Variants in PTPRK observed in about 807,000 individuals in gnomAD.
The protein encoded by PTPRK is receptor-type tyrosine-protein phosphatase kappa.
A neutral mutation model predicts 178.0 loss-of-function variants in PTPRK; 75 were observed. The observed-to-expected ratio is 0.42, with a 90% confidence interval of 0.35 to 0.51. The LOEUF (loss-of-function observed/expected upper bound fraction) is 0.51. Among genes scored for constraint, PTPRK ranks in the 20% least tolerant of loss-of-function variants. The probability of loss-of-function intolerance (pLI) is 0.02; values close to 1 mark genes in which losing one functional copy is unlikely to be tolerated. For missense variants in PTPRK, 1,441 were observed against 1,797.8 expected (o/e 0.80, Z 3.59); for synonymous variants, 637 against 620.6 (o/e 1.03, Z -0.39).
chr6:128,130,047 ATACAGT>A (rs996833865), intron 7 of PTPRK, among the ~76,000 whole-genome samples: 1 of 152,154 alleles, frequency 6.6e-6, no homozygotes, highest in Non-Finnish European at 1.5e-5. Flanking sequence ...AGATAGAATA[ATACAGT>A]TAGAGTTATG....
chr6:128,137,785 A>G (rs1795221700), intron 7 of PTPRK, among the ~76,000 whole-genome samples: 1 of 152,190 alleles, frequency 6.6e-6, no homozygotes, highest in African/African-American at 2.4e-5. Flanking sequence ...CCCACTAGCT[A>G]AAATAATACA....
chr6:128,328,131 G>A (rs1357782856), intron 2 of PTPRK, among the ~76,000 whole-genome samples: 1 of 152,136 alleles, frequency 6.6e-6, no homozygotes, highest in African/African-American at 2.4e-5. Context: ...ACAAACTTAG[G>A]ATCACAATTC....
At chr6:128,044,875 A>G (rs1777796233) in intron 13 of PTPRK, among the ~76,000 whole-genome samples, 2 of 151,988 alleles carry the variant, frequency 1.3e-5, no homozygotes, top group African/African-American at 4.8e-5. Context: ...TGGTTTCCCC[A>G]TCTGAAATAT....
intron 3 of PTPRK, among the ~76,000 whole-genome samples, chr6:128,253,040 G>T (rs1324380840): frequency 6.6e-6 from 1 of 152,062 alleles, no homozygotes; most frequent in South Asian, 2.1e-4. Flanking sequence ...ACAGTATAAG[G>T]TATGCCAAAC....
At chr6:128,064,852 C>A (rs182118249) in intron 12 of PTPRK, 58 bp from the exon 13 acceptor site, 2 of 1,504,370 alleles carry the variant, frequency 1.3e-6, no homozygotes, top group South Asian at 1.4e-5. Flanking sequence ...TTTCCTGTTT[C>A]ATAAACTATA....
chr6:128,227,419 G>C (rs542699923), intron 5 of PTPRK, among the ~76,000 whole-genome samples: 9 of 152,234 alleles, frequency 5.9e-5, no homozygotes, highest in African/African-American at 2.2e-4. Context: ...ACTAATAAGA[G>C]AGTATGGAAA....
At chr6:128,435,218 A>G (rs4587184) in intron 1 of PTPRK, among the ~76,000 whole-genome samples, 5,928 of 152,222 alleles carry the variant, frequency 0.039, 410 homozygotes, top group African/African-American at 0.13. Context: ...TGCTCTCTTT[A>G]TAACAAAAAT....
intron 7 of PTPRK, among the ~76,000 whole-genome samples, chr6:128,105,615 T>C (rs998617356): frequency 3.9e-5 from 6 of 152,218 alleles, no homozygotes; most frequent in African/African-American, 1.4e-4. Flanking sequence ...GTTACTTTCA[T>C]AGCATAGGAA....
At chr6:128,310,764 C>T (rs1260716494) in intron 3 of PTPRK, among the ~76,000 whole-genome samples, 2 of 152,132 alleles carry the variant, frequency 1.3e-5, no homozygotes, top group Non-Finnish European at 2.9e-5. Flanking sequence ...CCAGCAGGTC[C>T]ATTTGTGAAC....
chr6:128,205,824 A>T (rs1211138812), intron 6 of PTPRK, among the ~76,000 whole-genome samples: 1 of 151,304 alleles, frequency 6.6e-6, no homozygotes, highest in Non-Finnish European at 1.5e-5. Context: ...AAAAAATATA[A>T]GAGTGGGAGA....
rs561946244 is a variant in PTPRK, at chr6:128,082,656, T to A, written c.1576-18A>T. 23 of 1,540,972 alleles carry A rather than the reference T, an allele frequency of 1.5e-5. No individual in the cohort carries two copies. The South Asian group carries it at 2.6e-4, about 17-fold the overall frequency. On this transcript the variant is annotated intron_variant, in intron 9 of 29. Transcript: ENST00000368226. ...TAGCTGATCTGTTTTAAGAAATACA[T>A]TTATTACATATCTAGTATCCATCAT...
intron 5 of PTPRK, among the ~76,000 whole-genome samples, chr6:128,229,813 A>G (rs925048405): frequency 2.6e-5 from 4 of 152,256 alleles, no homozygotes; most frequent in African/African-American, 9.6e-5. Context: ...TCATCTTTGC[A>G]GGATGATAGG....
At chr6:128,292,462 T>C (rs1448183605) in intron 3 of PTPRK, among the ~76,000 whole-genome samples, 1 of 152,122 alleles carries the variant, frequency 6.6e-6, no homozygotes, top group Non-Finnish European at 1.5e-5. Context: ...TAAAAATTAA[T>C]ATGTGAATAA....
chr6:128,295,258 A>G (rs1824112785), intron 3 of PTPRK, among the ~76,000 whole-genome samples: 1 of 152,092 alleles, frequency 6.6e-6, no homozygotes, highest in South Asian at 2.1e-4. Flanking sequence ...AAAAGTGTAA[A>G]AACCACTATT....
At chr6:128,402,406 C>T (rs1171285909) in intron 1 of PTPRK, among the ~76,000 whole-genome samples, 1 of 152,072 alleles carries the variant, frequency 6.6e-6, no homozygotes, top group Non-Finnish European at 1.5e-5. Context: ...ACTCGTGCCA[C>T]CATGCCCATC....
chr6:128,022,492 C>T (rs1773674740), intron 13 of PTPRK, among the ~76,000 whole-genome samples: 1 of 152,168 alleles, frequency 6.6e-6, no homozygotes, highest in Non-Finnish European at 1.5e-5. Flanking sequence ...TCCACTGAAT[C>T]CAAGTGGTTC....
chr6:128,245,410 G>A (rs960565313), intron 3 of PTPRK, among the ~76,000 whole-genome samples: 1 of 152,062 alleles, frequency 6.6e-6, no homozygotes, highest in African/African-American at 2.4e-5. Flanking sequence ...TGACAAGATG[G>A]CAGCATGGTT....
At chr6:128,343,496 A>T (rs1437423560) in intron 2 of PTPRK, among the ~76,000 whole-genome samples, 1 of 147,534 alleles carries the variant, frequency 6.8e-6, no homozygotes, top group Non-Finnish European at 1.5e-5. Flanking sequence ...GTGAAACTCC[A>T]TCTCAAAAAA....
intron 3 of PTPRK, among the ~76,000 whole-genome samples, chr6:128,243,416 G>A (rs1244617900): frequency 6.7e-6 from 1 of 149,858 alleles, no homozygotes; most frequent in Non-Finnish European, 1.5e-5. Context: ...CACTTTGGGA[G>A]GCTGAGGCAG....
Sources: allele counts gnomAD v4.1 joint callset (sites outside exome capture counted in the v4.1 genomes callset), GRCh38; gene constraint gnomAD v4.1.1; transcripts MANE v1.5; gene names NCBI Gene and HGNC (gene_info 2026-07-23, HGNC 2026-07-21).